The following RBFOX1 variants were observed in gnomAD, a reference collection of about 807,000 sequenced individuals.
The protein encoded by RBFOX1 is RNA binding fox-1 homolog 1.
In RBFOX1, 8 loss-of-function variants were observed where a neutral mutation model predicts 57.7. The observed-to-expected ratio is 0.14, with a 90% CI of 0.08 to 0.25. RBFOX1 has a LOEUF of 0.25. RBFOX1 is among the 10% of genes least tolerant of loss of function. RBFOX1 has a pLI of 1.00. For missense variants in RBFOX1, 611 were observed against 548.5 expected, an observed-to-expected ratio of 1.11 and a Z score of -1.14; for synonymous variants, 326 against 222.4, an observed-to-expected ratio of 1.47 and a Z score of -4.15.
At chr16:5,664,237 T>A (rs1248608292) in intron 3 of RBFOX1, among the ~76,000 whole-genome samples, 3 of 152,080 alleles carry the variant, frequency 2.0e-5, no homozygotes, top group African/African-American at 4.8e-5. Flanking sequence ...TGCAACGGAG[T>A]CAGTTGTGAA....
chr16:5,413,234 C>T (rs1189041760), intron 1 of RBFOX1, among the ~76,000 whole-genome samples: 1 of 152,158 alleles, frequency 6.6e-6, no homozygotes, highest in African/African-American at 2.4e-5. Flanking sequence ...CTACCAACAG[C>T]CCCAACTGTT....
At chr16:7,573,052 G>T (rs1393375750) in intron 5 of RBFOX1, among the ~76,000 whole-genome samples, 2 of 152,152 alleles carry the variant, frequency 1.3e-5, no homozygotes, top group Non-Finnish European at 2.9e-5. Flanking sequence ...ATGCTGTGAA[G>T]AAATCAGTGG....
At chr16:5,679,963 CAT>C (rs756868390) in intron 3 of RBFOX1, among the ~76,000 whole-genome samples, 4 of 152,150 alleles carry the variant, frequency 2.6e-5, no homozygotes, top group Non-Finnish European at 4.4e-5. Context: ...ACCTAGGAAA[CAT>C]ATATTGTTTT....
chr16:5,652,901 T>C (rs958760662), intron 3 of RBFOX1, among the ~76,000 whole-genome samples: 10 of 152,212 alleles, frequency 6.6e-5, no homozygotes, highest in Admixed American at 3.3e-4. Flanking sequence ...GTATAGTACA[T>C]ATGTGGTTGG....
chr16:6,557,541 C>G (rs2097122863), intron 2 of RBFOX1, among the ~76,000 whole-genome samples: 1 of 152,112 alleles, frequency 6.6e-6, no homozygotes, highest in Non-Finnish European at 1.5e-5. Context: ...TGGCGGCTGT[C>G]TGACGTTCAG....
At chr16:7,459,625 T>C (rs1051604912) in intron 4 of RBFOX1, among the ~76,000 whole-genome samples, 5 of 152,220 alleles carry the variant, frequency 3.3e-5, no homozygotes, top group African/African-American at 1.2e-4. Flanking sequence ...CAGTTCTAGT[T>C]TAAAATATTC....
At chr16:7,584,649 A>T (rs887675134) in intron 6 of RBFOX1, among the ~76,000 whole-genome samples, 3 of 152,328 alleles carry the variant, frequency 2.0e-5, no homozygotes, top group African/African-American at 7.2e-5. Context: ...GGCGTTGTTG[A>T]ATGCAGCTGA....
At chr16:5,717,542 A>C (rs2051754477) in intron 3 of RBFOX1, among the ~76,000 whole-genome samples, 1 of 151,932 alleles carries the variant, frequency 6.6e-6, no homozygotes, top group South Asian at 2.1e-4. Flanking sequence ...TCCATTTTTC[A>C]TTCTTATGCT....
At chr16:7,155,762 C>CAG (rs1555516678) in intron 4 of RBFOX1, among the ~76,000 whole-genome samples, 31,848 of 121,538 alleles carry the variant, frequency 0.26, 5,521 homozygotes, top group Admixed American at 0.39. Context: ...CACACACACA[C>CAG]ACATATATAT....
intron 3 of RBFOX1, among the ~76,000 whole-genome samples, chr16:5,627,729 A>G (rs2048386075): frequency 6.6e-6 from 1 of 152,248 alleles, no homozygotes; most frequent in South Asian, 2.1e-4. Flanking sequence ...AATAAAAAAT[A>G]CAGTATAACA....
At chr16:5,837,293 G>A (rs1218058205) in intron 3 of RBFOX1, among the ~76,000 whole-genome samples, 1 of 151,414 alleles carries the variant, frequency 6.6e-6, no homozygotes, top group Non-Finnish European at 1.5e-5. Flanking sequence ...TCTTCTGCCT[G>A]AAACACCCTC....
intron 3 of RBFOX1, among the ~76,000 whole-genome samples, chr16:7,014,547 C>A (rs2093810967): frequency 6.6e-6 from 1 of 151,970 alleles, no homozygotes; most frequent in Non-Finnish European, 1.5e-5. Context: ...GCTAGAATTA[C>A]AGGAGTGAGA....
chr16:7,367,057 GT>G (rs765458670), intron 4 of RBFOX1, among the ~76,000 whole-genome samples: 98 of 149,168 alleles, frequency 6.6e-4, no homozygotes, highest in Admixed American at 1.3e-3. Context: ...AAACCCCCCA[GT>G]TTTTTTTTTC....
chr16:6,933,324 C>T (rs917917392), intron 3 of RBFOX1, among the ~76,000 whole-genome samples: 2 of 152,280 alleles, frequency 1.3e-5, no homozygotes, highest in Admixed American at 6.5e-5. Context: ...TACTCTTTTC[C>T]GTAGCACTGC....
chr16:5,968,656 T>A (rs989966693), intron 4 of RBFOX1, among the ~76,000 whole-genome samples: 3 of 152,178 alleles, frequency 2.0e-5, no homozygotes, highest in African/African-American at 7.2e-5. Flanking sequence ...TAATTTGCAA[T>A]CCTATCCTTG....
At chr16:6,464,735 C>T (rs1242511368) in intron 2 of RBFOX1, among the ~76,000 whole-genome samples, 4 of 152,220 alleles carry the variant, frequency 2.6e-5, no homozygotes, top group East Asian at 1.9e-4. Context: ...ATATGGATTA[C>T]GGATCATATG....
chr16:5,610,280 G>C (rs78389280), intron 3 of RBFOX1: 15,259 of 152,292 alleles, frequency 0.1, 1,270 homozygotes, highest in East Asian at 0.39. Context: ...CTAGTGAGCA[G>C]CTGCTGTACA....
chr16:6,784,646 G>T (rs1032302045), intron 3 of RBFOX1, among the ~76,000 whole-genome samples: 1 of 151,664 alleles, frequency 6.6e-6, no homozygotes, highest in Non-Finnish European at 1.5e-5. Flanking sequence ...TGGTGAGGTC[G>T]TGTTTTCCTA....
At chr16:5,445,115 G>A (rs2068202366) in intron 1 of RBFOX1, among the ~76,000 whole-genome samples, 1 of 152,136 alleles carries the variant, frequency 6.6e-6, no homozygotes, top group Non-Finnish European at 1.5e-5. Flanking sequence ...TGTGGGAGGG[G>A]ATCTGGATGG....
Sources: gnomAD v4.1 joint callset for allele counts (sites outside exome capture counted in the v4.1 genomes callset) on GRCh38, gnomAD v4.1.1 for gene constraint, MANE v1.5 for transcripts, NCBI Gene and HGNC (gene_info 2026-07-23, HGNC 2026-07-21) for gene names.